TMEM63A: variants seen among roughly 807,000 people sequenced by gnomAD.
TMEM63A encodes transmembrane protein 63A.
TMEM63A carries 76 observed loss-of-function variants against 100.6 expected under a neutral mutation model. That is an observed-to-expected ratio of 0.76 (90% CI 0.63 to 0.91). The LOEUF is 0.91. Ranked by LOEUF, TMEM63A falls within the 40% of genes least tolerant of loss-of-function variation. The pLI is 0.00. For synonymous variants in TMEM63A, 401 were observed against 401.1 expected (o/e 1.00, Z 0.00); for missense variants, 876 against 1,008.8 (o/e 0.87, Z 1.78).
intron 9 of TMEM63A, 132 bp from the exon 10 acceptor site, chr1:225,866,099 G>T: frequency 1.1e-6 from 1 of 904,128 alleles, no homozygotes; most frequent in Non-Finnish European, 1.7e-6. Flanking sequence ...TTCTCCTTCT[G>T]TGGCCGGGGG....
At chr1:225,861,981 G>A (rs930981494) in intron 13 of TMEM63A, 3 of 621,226 alleles carry the variant, frequency 4.8e-6, no homozygotes, top group Non-Finnish European at 8.3e-6. Context: ...GCTCGAGGGG[G>A]TCAGCCAGAA....
At chr1:225,869,670 T>TC (rs1553492502) in intron 6 of TMEM63A, among the ~76,000 whole-genome samples, 5,292 of 136,310 alleles carry the variant, frequency 0.039, 340 homozygotes, top group African/African-American at 0.14. Flanking sequence ...TCTTTTCTTT[T>TC]TTTTTTTTTT....
chr1:225,845,624 A>G lies in TMEM63A; in HGVS notation c.*1315T>C. On this transcript the variant is annotated 3_prime_UTR_variant, in exon 25 of 25. Coordinates refer to ENST00000366835, the MANE Select transcript of TMEM63A (RefSeq NM_014698.3). ...CCCACATGGGGCCCCCTGTGCAAGC[A>G]GAGCTGGCCGGCCCCTCCTTGCTGG... 1 of 525,986 alleles carries G rather than the reference A, an allele frequency of 1.9e-6. No homozygotes were observed. The highest frequency in any genetic ancestry group is 3.2e-5 in the Admixed American group (1 of 31,298). 32.6% of individuals were successfully genotyped at this position (525,986 alleles called of 1,614,324 possible).
At position 225,865,906 on chromosome 1, in the gene TMEM63A, C is replaced by G; in HGVS notation, c.737G>C (p.Ser246Thr). Residue 246 changes from serine to threonine, a missense_variant, in exon 10 of 25, where the codon AGC becomes ACC. Ser to Thr is a moderately conservative substitution (Grantham distance 58). Coordinates refer to ENST00000366835, the MANE Select transcript of TMEM63A (RefSeq NM_014698.3). This position sits in a 1 kb window ranked among gnomAD's most constrained non-coding sequence, Gnocchi z 4.6. ...PRDARKETVE[S>T]HFRDAYPTCE... The stretch of plus-strand genomic sequence containing the variant: ...CACCCCACCTGCTTACCGGAAGTGG[C>G]TCTCCACAGTCTCCTTCCTGGCATC... 1 of 1,613,890 alleles carries G rather than the reference C, an allele frequency of 6.2e-7. No individual in the cohort carries two copies. Among genetic ancestry groups the G allele is most frequent in the Non-Finnish European group, 8.5e-7 (1 of 1,179,914 alleles).
chr1:225,874,700 C>A (rs1670688574), intron 3 of TMEM63A, among the ~76,000 whole-genome samples: 1 of 152,260 alleles, frequency 6.6e-6, no homozygotes, highest in African/African-American at 2.4e-5. Context: ...CAGTCTCGGG[C>A]CCTGCTCTGC....
chr1:225,863,600 C>T (rs1013244494), intron 10 of TMEM63A, among the ~76,000 whole-genome samples: 3 of 151,978 alleles, frequency 2.0e-5, no homozygotes, highest in East Asian at 1.9e-4. Flanking sequence ...ACCCTCAGAC[C>T]AGAAAATATC....
chr1:225,842,240 T>C, downstream of TMEM63A: 1 of 752,838 alleles, frequency 1.3e-6, no homozygotes. Context: ...AAGGCAGGCC[T>C]GTGCTCGAAC....
At position 225,846,580 on chromosome 1, in the gene TMEM63A, CTT is replaced by C. The variant is rs1271657327; in HGVS notation, c.*357_*358del. The stretch of plus-strand genomic sequence containing the variant: ...ACCTCAGACCTGGACTGCAGCATCT[CTT>C]TGGTTATCGGTTGTGTGTGTGCTCA... On this transcript the variant is annotated 3_prime_UTR_variant, in exon 25 of 25. Coordinates refer to ENST00000366835, the MANE Select transcript of TMEM63A (RefSeq NM_014698.3). The C allele has an allele frequency of 6.5e-6, 1 of 154,252 alleles. No individual in the cohort carries two copies. Among genetic ancestry groups the C allele is most frequent in the Non-Finnish European group, 1.4e-5 (1 of 69,528 alleles). 9.6% of individuals were successfully genotyped at this position (154,252 alleles called of 1,614,324 possible).
At chr1:225,852,553 T>C in intron 20 of TMEM63A, 111 bp downstream of exon 20, 1 of 931,092 alleles carries the variant, frequency 1.1e-6, no homozygotes, top group Non-Finnish European at 1.7e-6. Context: ...CTCTTGTGGC[T>C]GTGGTTTTGG....
rs758910063 is a variant in TMEM63A, at chr1:225,862,211, C to A, written c.1085+7G>T. The A allele has an allele frequency of 1.2e-6, 2 of 1,613,554 alleles. No homozygotes were observed. On this transcript the variant is annotated splice_region_variant and intron_variant, in intron 13 of 24. Coordinates refer to ENST00000366835, the MANE Select transcript of TMEM63A (RefSeq NM_014698.3). This position sits in a 1 kb window ranked among gnomAD's most constrained non-coding sequence, Gnocchi z 5.1. ...CCAAGAAGGGGTCTGGATGTGCCTA[C>A]ACTCACTAGGTGGCCATGGACTTCT...
chr1:225,848,694 G>C, intron 22 of TMEM63A, 140 bp from the exon 23 acceptor site: 1 of 969,654 alleles, frequency 1.0e-6, no homozygotes, highest in Non-Finnish European at 1.6e-6. Context: ...AGAGAGGATG[G>C]GGTGGGGGAG....
Position 225,862,383 on chromosome 1 carries a change from T to C in TMEM63A, c.952-32A>G. On this transcript the variant is annotated intron_variant, in intron 12 of 24. Transcript: ENST00000366835. The surrounding 1 kb of genome is among the most constrained non-coding windows in gnomAD (Gnocchi z 5.1). ...CAAGACACATCCCATTGGGATGACG[T>C]GGCCCCATGCTGGTATCTGGGGCAC... 6.2e-7 allele frequency: 1 copy of C among 1,614,098 alleles called. No homozygotes were observed. The highest frequency in any genetic ancestry group is 8.5e-7 in the Non-Finnish European group (1 of 1,179,968).
chr1:225,857,608 A>G (rs1669708227), intron 15 of TMEM63A, among the ~76,000 whole-genome samples: 2 of 152,260 alleles, frequency 1.3e-5, no homozygotes. Flanking sequence ...TTTCTAAAAA[A>G]AAAAACAAAA....
At chr1:225,846,973 C>G (rs1478975814) in intron 24 of TMEM63A, 41 bp from the exon 25 acceptor site, 6 of 1,505,574 alleles carry the variant, frequency 4.0e-6, no homozygotes, top group Non-Finnish European at 5.3e-6. Flanking sequence ...GGGAGTCAGG[C>G]CGCTTCACCT....
chr1:225,878,861 C>CACCTACCT (rs1374393104), intron 2 of TMEM63A, among the ~76,000 whole-genome samples: 5 of 146,362 alleles, frequency 3.4e-5, no homozygotes, highest in African/African-American at 1.3e-4. Context: ...CACACATGGA[C>CACCTACCT]ACCTACCTAC....
intron 10 of TMEM63A, chr1:225,864,593 G>A (rs1290453560): frequency 1.3e-5 from 2 of 152,194 alleles, no homozygotes; most frequent in Non-Finnish European, 2.9e-5. Context: ...AGGCAACTTT[G>A]AGGAGTTGCT....
rs1230557699 is a variant in TMEM63A at position 225,862,335 on chromosome 1, T to G, written c.968A>C (p.Tyr323Ser). 9 of 1,614,198 alleles carry G rather than the reference T, an allele frequency of 5.6e-6. No individual in the cohort carries two copies. The South Asian group carries it at 9.9e-5, about 18-fold the overall frequency. Residue 323 changes from tyrosine to serine, a missense_variant, in exon 13 of 25, where the codon TAC becomes TCC. By Grantham distance (144) the Tyr-to-Ser change is moderately radical. Around this residue, in one of 5 missense-constraint regions of TMEM63A, gnomAD observed 487 missense variants for 581.9 expected, o/e 0.84. Coordinates refer to ENST00000366835, the MANE Select transcript of TMEM63A (RefSeq NM_014698.3). The surrounding 1 kb of genome is among the most constrained non-coding windows in gnomAD (Gnocchi z 5.1). Reference sequence around the variant, plus strand: ...CAGCCTGTCCTTCATCCGTGTGTAGTAAGAGATGGCGTCTTCCTGCCACAA... The same window carrying G: ...CAGCCTGTCCTTCATCCGTGTGTAGGAAGAGATGGCGTCTTCCTGCCACAA... Reference protein sequence around the residue: ...LGCEWEDAISYYTRMKDRLLE... With the variant: ...LGCEWEDAISSYTRMKDRLLE...
Position 225,871,876 on chromosome 1 carries a change from A to C in TMEM63A, c.333+111T>G, listed in dbSNP as rs189254929. 1.5e-4 allele frequency: 116 copies of C among 792,848 alleles called. No individual in the cohort carries two copies. The East Asian group carries it at 1.7e-3, about 12-fold the overall frequency. 49.1% of individuals were successfully genotyped at this position (792,848 alleles called of 1,614,324 possible). ...TCAGGTGCCTTCGTCGATGCAGAAAAGCACTTTCTCCAGCACTTGCCGCTC... is the reference window on the plus strand; with the variant it reads ...TCAGGTGCCTTCGTCGATGCAGAAACGCACTTTCTCCAGCACTTGCCGCTC... On this transcript the variant is annotated intron_variant, in intron 5 of 24. Coordinates refer to ENST00000366835, the MANE Select transcript of TMEM63A (RefSeq NM_014698.3).
downstream of TMEM63A, chr1:225,845,386 G>A (rs1443509091): frequency 6.6e-7 from 1 of 1,520,520 alleles, no homozygotes; most frequent in South Asian, 1.2e-5. Flanking sequence ...CCCCCCACAA[G>A]TGCCCTCCAG....
Sources: gnomAD v4.1 joint callset for allele counts (sites outside exome capture counted in the v4.1 genomes callset) on GRCh38, gnomAD v4.1.1 for gene constraint, gnomAD v4.1.1 regional missense constraint, Gnocchi (gnomAD v3.1) non-coding constraint, MANE v1.5 for transcripts, NCBI Gene and HGNC (gene_info 2026-07-23, HGNC 2026-07-21) for gene names.